The following MAGI3 variants were observed in gnomAD, a reference collection of about 807,000 sequenced individuals.
MAGI3 encodes membrane-associated guanylate kinase, WW and PDZ domain-containing protein 3.
In MAGI3, 43 loss-of-function variants were observed where a neutral mutation model predicts 121.8. The ratio of observed to expected loss-of-function variants is 0.35; its 90% CI spans 0.28 to 0.46. The LOEUF is 0.46. Ranked by LOEUF, MAGI3 falls within the 20% of genes least tolerant of loss-of-function variation. The pLI, the probability that MAGI3 is intolerant of heterozygous loss-of-function variation, is 1.00. For missense variants in MAGI3, 1,547 were observed against 1,797.3 expected (o/e 0.86, Z 2.52); for synonymous variants, 553 against 639.3 (o/e 0.86, Z 2.04).
intron 1 of MAGI3, among the ~76,000 whole-genome samples, chr1:113,419,948 A>C (rs1652650591): frequency 1.3e-5 from 2 of 152,116 alleles, no homozygotes; most frequent in Non-Finnish European, 2.9e-5. Context: ...TTCCGTTGTC[A>C]CATCTCCTTC....
At chr1:113,515,483 A>G (rs1657851033) in intron 1 of MAGI3, among the ~76,000 whole-genome samples, 1 of 152,168 alleles carries the variant, frequency 6.6e-6, no homozygotes, top group South Asian at 2.1e-4. Flanking sequence ...AAATGATTGA[A>G]TATTTTTTGA....
At chr1:113,503,843 A>G (rs998365903) in intron 1 of MAGI3, among the ~76,000 whole-genome samples, 1 of 152,178 alleles carries the variant, frequency 6.6e-6, no homozygotes, top group East Asian at 1.9e-4. Flanking sequence ...TGGAATGGTA[A>G]GGTCTAGAGA....
At chr1:113,506,118 A>G (rs1031667407) in intron 1 of MAGI3, among the ~76,000 whole-genome samples, 2 of 152,176 alleles carry the variant, frequency 1.3e-5, no homozygotes, top group African/African-American at 4.8e-5. Flanking sequence ...TGGTGACCCT[A>G]TTAATTAGTA....
chr1:113,424,893 G>C (rs779697878), intron 1 of MAGI3, among the ~76,000 whole-genome samples: 11 of 152,190 alleles, frequency 7.2e-5, no homozygotes, highest in Non-Finnish European at 1.5e-4. Flanking sequence ...CAGCACTTTG[G>C]GGGGCCAAGG....
chr1:113,541,456 G>A (rs1377422438), intron 1 of MAGI3, among the ~76,000 whole-genome samples: 1 of 152,146 alleles, frequency 6.6e-6, no homozygotes, highest in East Asian at 1.9e-4. Flanking sequence ...TTTTAAAAAT[G>A]GAAATGGCTC....
intron 1 of MAGI3, among the ~76,000 whole-genome samples, chr1:113,495,431 T>C (rs1384956299): frequency 1.3e-5 from 2 of 151,650 alleles, no homozygotes; most frequent in African/African-American, 2.4e-5. Flanking sequence ...ACTTTAGTGG[T>C]GATTTCTGAG....
chr1:113,670,003 CAAAAAAAAAA>C (rs11302295), intron 16 of MAGI3, among the ~76,000 whole-genome samples: 2 of 85,240 alleles, frequency 2.3e-5, no homozygotes, highest in Non-Finnish European at 4.6e-5. Context: ...TCCAGGTCTC[CAAAAAAAAAA>C]AAAAAAAAAA....
chr1:113,557,151 A>G (rs1365884638), intron 2 of MAGI3, among the ~76,000 whole-genome samples: 2 of 152,166 alleles, frequency 1.3e-5, no homozygotes, highest in East Asian at 3.9e-4. Context: ...GCGTCCCCCC[A>G]GCAGCACAAC....
chr1:113,547,459 G>A (rs1459416185), intron 1 of MAGI3, among the ~76,000 whole-genome samples: 2 of 152,008 alleles, frequency 1.3e-5, no homozygotes, highest in African/African-American at 4.8e-5. Context: ...TTTTTAAGTG[G>A]GGGAAAAAAC....
intron 1 of MAGI3, among the ~76,000 whole-genome samples, chr1:113,433,180 G>A (rs1028675857): frequency 6.6e-6 from 1 of 152,120 alleles, no homozygotes; most frequent in Non-Finnish European, 1.5e-5. Flanking sequence ...TGAAGAACCT[G>A]TGGGAGATGG....
chr1:113,561,652 A>G (rs1383226207), intron 2 of MAGI3, among the ~76,000 whole-genome samples: 5 of 152,228 alleles, frequency 3.3e-5, no homozygotes. Flanking sequence ...CCCACAGCCA[A>G]TATCATACCG....
Position 113,642,072 on chromosome 1 carries a change from G to A in MAGI3, c.1522G>A (p.Val508Ile), listed in dbSNP as rs1286298739. Reference protein sequence around the residue: ...DDSEDPVVDIVAATPVINGQS... With the variant: ...DDSEDPVVDIIAATPVINGQS... ...CAGTGAAGATCCTGTTGTGGACATT[G>A]TTGCTGCTACCCCTGTCATCAATGG... is the stretch of plus-strand genomic sequence containing the variant. Residue 508 changes from valine (V) to isoleucine (I), a missense_variant, in exon 10 of 21, where the codon GTT (valine) becomes ATT (isoleucine). Val to Ile is a conservative substitution (Grantham distance 29, BLOSUM62 3). Coordinates refer to ENST00000307546, the MANE Select transcript of MAGI3 (RefSeq NM_001142782.2). 8 of 1,614,140 alleles carry A rather than the reference G, an allele frequency of 5.0e-6. No individual in the cohort carries two copies. The highest frequency in any genetic ancestry group is 6.8e-6 in the Non-Finnish European group (8 of 1,180,024).
chr1:113,661,363 A>G (rs1010957321), intron 16 of MAGI3, among the ~76,000 whole-genome samples: 1 of 152,232 alleles, frequency 6.6e-6, no homozygotes, highest in African/African-American at 2.4e-5. Flanking sequence ...TAACTAATAC[A>G]ATAATCCTAG....
At chr1:113,520,139 A>G (rs1369095530) in intron 1 of MAGI3, among the ~76,000 whole-genome samples, 4 of 152,232 alleles carry the variant, frequency 2.6e-5, no homozygotes, top group Non-Finnish European at 5.9e-5. Flanking sequence ...TCAGACTTCA[A>G]CACATCAAGC....
intron 6 of MAGI3, among the ~76,000 whole-genome samples, chr1:113,604,945 A>G (rs1649662074): frequency 6.6e-6 from 1 of 150,762 alleles, no homozygotes. Flanking sequence ...GTAACCAAAA[A>G]CCACTTATAC....
intron 1 of MAGI3, among the ~76,000 whole-genome samples, chr1:113,406,982 A>G (rs1651716368): frequency 6.6e-6 from 1 of 152,144 alleles, no homozygotes; most frequent in African/African-American, 2.4e-5. Flanking sequence ...CAAATATGAG[A>G]ACCTGGTTCG....
intron 9 of MAGI3, among the ~76,000 whole-genome samples, chr1:113,624,930 G>T (rs1018510551): frequency 6.6e-6 from 1 of 152,056 alleles, no homozygotes; most frequent in Non-Finnish European, 1.5e-5. Flanking sequence ...TCTACATGTG[G>T]ATATCCAATT....
chr1:113,430,656 G>C (rs1002630225), intron 1 of MAGI3, among the ~76,000 whole-genome samples: 1 of 152,020 alleles, frequency 6.6e-6, no homozygotes, highest in Admixed American at 6.6e-5. Flanking sequence ...AATTGTGTTC[G>C]TACTAGATCA....
rs139577648 is a variant in MAGI3, at chr1:113,555,457, A to G, written c.433+5826A>G. ...ATAGAAAACATGAACAGTATTTTCAACCAGCTTGGCCGAGTTACTATTTAT... is the reference window on the plus strand; with the variant it reads ...ATAGAAAACATGAACAGTATTTTCAGCCAGCTTGGCCGAGTTACTATTTAT... On this transcript the variant is annotated intron_variant, in intron 2 of 20. Coordinates refer to ENST00000307546, the MANE Select transcript of MAGI3 (RefSeq NM_001142782.2). 4.9e-3 allele frequency among the ~76,000 whole-genome samples: 752 copies of G among 152,316 alleles called. 8 individuals carry two copies. Among genetic ancestry groups the G allele is most frequent in the African/African-American group, 0.017 (710 of 41,570 alleles).
Sources: allele counts gnomAD v4.1 joint callset (sites outside exome capture counted in the v4.1 genomes callset), GRCh38; gene constraint gnomAD v4.1.1; transcripts MANE v1.5; gene names NCBI Gene and HGNC (gene_info 2026-07-23, HGNC 2026-07-21).